Variants in SEMA4B observed in about 807,000 individuals in gnomAD.
SEMA4B encodes semaphorin 4B, also known as semaphorin-4B.
SEMA4B carries 55 observed loss-of-function variants against 88.1 expected under a neutral mutation model. The observed-to-expected ratio is 0.62, with a 90% CI of 0.50 to 0.78. The LOEUF (loss-of-function observed/expected upper bound fraction) is 0.78, where lower values mean the gene tolerates loss of function less well. Among genes scored for constraint, SEMA4B ranks in the 30% least tolerant of loss-of-function variants. The pLI is 0.00. For missense variants in SEMA4B, 1,062 were observed against 1,111.9 expected, an observed-to-expected ratio of 0.96 and a Z score of 0.64; for synonymous variants, 525 against 473.6, an observed-to-expected ratio of 1.11 and a Z score of -1.41.
Position 90,221,274 on chromosome 15 carries a change from CA to C in SEMA4B, c.596-89del. ...AGCTTCCTTCTCTGCCCACCACAGG[CA>C]AAACGGGCAGTGCTGGGGTCACTCT... On this transcript the variant is annotated intron_variant, in intron 5 of 13. Transcript: ENST00000411539. The C allele has an allele frequency of 1.1e-5, 14 of 1,249,610 alleles. No homozygotes were observed. In the South Asian group the frequency reaches 1.8e-4, roughly 16 times the overall value. 77.4% of individuals were successfully genotyped at this position (1,249,610 alleles called of 1,614,324 possible).
At chr15:90,215,793 C>T (rs1419348374) in intron 1 of SEMA4B, among the ~76,000 whole-genome samples, 3 of 152,062 alleles carry the variant, frequency 2.0e-5, no homozygotes, top group Non-Finnish European at 4.4e-5. Flanking sequence ...GCCTGGGCAA[C>T]AGAGTGAGAC....
intron 7 of SEMA4B, 73 bp downstream of exon 7, chr15:90,221,838 T>A: frequency 6.9e-7 from 1 of 1,454,714 alleles, no homozygotes; most frequent in Middle Eastern, 1.8e-4. Context: ...ATCACCCACA[T>A]CCATGCATGG....
chr15:90,194,301 G>A (rs539699243), intron 1 of SEMA4B, among the ~76,000 whole-genome samples: 14 of 152,126 alleles, frequency 9.2e-5, no homozygotes, highest in African/African-American at 3.4e-4. Context: ...GGAGGCCAAG[G>A]CAGGTGGCTC....
intron 9 of SEMA4B, 96 bp from the exon 10 acceptor site, chr15:90,224,872 G>T (rs1045802864): frequency 4.9e-6 from 5 of 1,028,424 alleles, no homozygotes; most frequent in South Asian, 2.7e-5. Context: ...CGGGCGGGGG[G>T]ACAGACACCG....
chr15:90,226,643 A>C (rs1247188223), intron 12 of SEMA4B, among the ~76,000 whole-genome samples: 1 of 152,180 alleles, frequency 6.6e-6, no homozygotes, highest in African/African-American at 2.4e-5. Flanking sequence ...GTCTGGCCAA[A>C]CATTCATATA....
intron 7 of SEMA4B, among the ~76,000 whole-genome samples, chr15:90,222,672 GCC>G (rs1397519605): frequency 4.6e-5 from 7 of 152,144 alleles, no homozygotes; most frequent in African/African-American, 1.4e-4. Context: ...GAGGCCAACT[GCC>G]CAAGTTCAAA....
chr15:90,185,472 T>C (rs1378210513), intron 1 of SEMA4B, among the ~76,000 whole-genome samples: 2 of 152,260 alleles, frequency 1.3e-5, no homozygotes, highest in Non-Finnish European at 2.9e-5. Flanking sequence ...TCATGGCTTC[T>C]TTCTTCTCAC....
intron 1 of SEMA4B, among the ~76,000 whole-genome samples, chr15:90,207,192 C>T (rs1048198087): frequency 1.3e-5 from 2 of 152,162 alleles, no homozygotes; most frequent in African/African-American, 4.8e-5. Context: ...CCTCCCAGGC[C>T]TGTGATCTGA....
rs371815562 is a variant in SEMA4B, at chr15:90,228,476, G to T, written c.2347G>T (p.Asp783Tyr). Residue 783 changes from aspartate (D) to tyrosine (Y), a missense_variant, in exon 14 of 14, where the codon GAT (aspartate) becomes TAT (tyrosine). Coordinates refer to ENST00000411539, the MANE Select transcript of SEMA4B (RefSeq NM_198925.4). ...CCTAGGGCCCCCTAGCACCCCGCTCGATCACCGAGGGTACCAGTCCCTGTC... is the reference window on the plus strand; with the variant it reads ...CCTAGGGCCCCCTAGCACCCCGCTCTATCACCGAGGGTACCAGTCCCTGTC... ...NGLGPPSTPL[D>Y]HRGYQSLSDS... 3 of 1,609,616 alleles carry T rather than the reference G, an allele frequency of 1.9e-6. No individual in the cohort carries two copies. The highest frequency in any genetic ancestry group is 1.3e-5 in the African/African-American group (1 of 74,954).
At chr15:90,194,414 C>G (rs1214290836) in intron 1 of SEMA4B, among the ~76,000 whole-genome samples, 2 of 152,022 alleles carry the variant, frequency 1.3e-5, no homozygotes, top group Admixed American at 1.3e-4. Flanking sequence ...TGTTTGTAAT[C>G]CCAGCTACTC....
chr15:90,229,339 A>G lies in SEMA4B; in HGVS notation c.*696A>G. 1 of 456,790 alleles carries G rather than the reference A, an allele frequency of 2.2e-6. No individual in the cohort carries two copies. The highest frequency in any genetic ancestry group is 1.5e-5 in the South Asian group (1 of 64,564). 28.3% of individuals were successfully genotyped at this position (456,790 alleles called of 1,614,324 possible). A position where few individuals can be genotyped will look rare whatever the true frequency, so the allele number is the denominator to read the frequency against. The stretch of plus-strand genomic sequence containing the variant: ...AGAGGACAGCGCGAGCTCAGGAGAG[A>G]TTTCGTGACAATGTACGCCTTTCCC... On this transcript the variant is annotated 3_prime_UTR_variant, in exon 14 of 14. Coordinates refer to ENST00000411539, the MANE Select transcript of SEMA4B (RefSeq NM_198925.4).
chr15:90,225,765 C>T lies in SEMA4B; in HGVS notation c.1626C>T (p.Tyr542=). 2 of 1,576,628 alleles carry T rather than the reference C, an allele frequency of 1.3e-6. No individual in the cohort carries two copies. Among genetic ancestry groups the T allele is most frequent in the Non-Finnish European group, 8.6e-7 (1 of 1,162,800 alleles). ...CGDCLLARDP[Y]CAWSGSSCKH... Reference sequence around the variant, plus strand: ...ACTGCCTCCTCGCCCGGGACCCCTACTGTGCTTGGAGCGGCTCCAGCTGCA... The same window carrying T: ...ACTGCCTCCTCGCCCGGGACCCCTATTGTGCTTGGAGCGGCTCCAGCTGCA... Residue 542 remains tyrosine, a synonymous_variant, in exon 12 of 14, where the codon TAC becomes TAT. Coordinates refer to ENST00000411539, the MANE Select transcript of SEMA4B (RefSeq NM_198925.4).
chr15:90,223,937 A>G lies in SEMA4B; in HGVS notation c.1143A>G (p.Thr381=), dbSNP rs1005742587. The G allele has an allele frequency of 1.9e-6, 3 of 1,613,784 alleles. No homozygotes were observed. The highest frequency in any genetic ancestry group is 1.7e-5 in the Admixed American group (1 of 60,016). Residue 381 remains threonine, a synonymous_variant, in exon 9 of 14, where the codon ACA becomes ACG. Coordinates refer to ENST00000411539, the MANE Select transcript of SEMA4B (RefSeq NM_198925.4). ...SGLYKEVNRE[T]QQWYTVTHPV... ...TCTACAAGGAGGTGAACCGTGAGAC[A>G]CAGCAGTGGTACACCGTGACCCACC...
intron 1 of SEMA4B, among the ~76,000 whole-genome samples, chr15:90,192,278 A>G (rs902142060): frequency 3.9e-5 from 6 of 152,238 alleles, no homozygotes; most frequent in African/African-American, 1.4e-4. Context: ...CTCCCAGAGT[A>G]GAACTGTGGG....
At chr15:90,188,581 T>C (rs750840839) in intron 1 of SEMA4B, among the ~76,000 whole-genome samples, 3 of 151,864 alleles carry the variant, frequency 2.0e-5, no homozygotes, top group Non-Finnish European at 4.4e-5. Flanking sequence ...TGAGCCGAGA[T>C]CGCACCACTG....
chr15:90,229,176 C>A lies in SEMA4B; in HGVS notation c.*533C>A, dbSNP rs1052468371. ...CGTGCGTTCTGCCTTGCCAGTCAGC[C>A]GAGGATGTAGTTGTTGCTGCCGTCG... On this transcript the variant is annotated 3_prime_UTR_variant, in exon 14 of 14. Transcript: ENST00000411539. 6.4e-5 allele frequency: 25 copies of A among 389,414 alleles called. No individual in the cohort carries two copies. The East Asian group carries it at 1.9e-3, about 29-fold the overall frequency. 24.1% of individuals were successfully genotyped at this position (389,414 alleles called of 1,614,324 possible). A position where few individuals can be genotyped will look rare whatever the true frequency, so the allele number is the denominator to read the frequency against.
chr15:90,226,049 T>G (rs1962158750), intron 12 of SEMA4B, among the ~76,000 whole-genome samples: 1 of 152,204 alleles, frequency 6.6e-6, no homozygotes, highest in Non-Finnish European at 1.5e-5. Context: ...TTTGGTAAAG[T>G]ATGAAATAGC....
intron 7 of SEMA4B, 107 bp from the exon 8 acceptor site, chr15:90,223,452 C>T (rs183939680): frequency 2.0e-6 from 2 of 1,013,942 alleles, no homozygotes; most frequent in East Asian, 2.8e-5. Context: ...TTCTCCTGCC[C>T]TTCAGTCCTG....
chr15:90,200,041 C>T (rs141142775), upstream of SEMA4B, among the ~76,000 whole-genome samples: 173 of 152,270 alleles, frequency 1.1e-3, 1 homozygote, highest in African/African-American at 4.1e-3. Flanking sequence ...AAAAGGGATG[C>T]TGCTAGCCTG....
Sources: gnomAD v4.1 joint callset for allele counts (sites outside exome capture counted in the v4.1 genomes callset) on GRCh38, gnomAD v4.1.1 for gene constraint, MANE v1.5 for transcripts, NCBI Gene and HGNC (gene_info 2026-07-23, HGNC 2026-07-21) for gene names.